Variants in VPS13A observed in about 807,000 individuals in gnomAD.
The protein encoded by VPS13A is intermembrane lipid transfer protein VPS13A.
Under a neutral mutation model 390.9 loss-of-function variants are expected in VPS13A, and 264 were observed. The ratio of observed to expected loss-of-function variants is 0.68; its 90% CI spans 0.61 to 0.75. The LOEUF is 0.75. Among genes scored for constraint, VPS13A ranks in the 30% least tolerant of loss-of-function variants. The pLI is 0.00. For synonymous variants in VPS13A, 1,231 were observed against 1,227.1 expected (o/e 1.00, Z -0.07); for missense variants, 3,409 against 3,733.9 (o/e 0.91, Z 2.27).
intron 68 of VPS13A, chr9:77,390,205 C>A: frequency 1.3e-6 from 1 of 762,098 alleles, no homozygotes; most frequent in Non-Finnish European, 1.6e-6. Flanking sequence ...TATAGCTCTT[C>A]CTCTCCAGAA....
In VPS13A at chr9:77,281,701, G is replaced by A. The variant is rs146301497; in HGVS notation, c.2905-166G>A. Among the ~76,000 whole-genome samples the A allele has an allele frequency of 8.6e-5, 13 of 151,276 alleles. No individual in the cohort carries two copies. In the East Asian group the frequency reaches 1.9e-3, roughly 23 times the overall value. ...ACATTTTCTTTTGTTCTGGTGAAGC[G>A]GTTGCTTATTTAGGTAATTATATGT... On this transcript the variant is annotated intron_variant, in intron 27 of 71. Transcript: ENST00000360280.
chr9:77,250,539 A>G (rs1825096482), intron 21 of VPS13A, among the ~76,000 whole-genome samples: 1 of 152,170 alleles, frequency 6.6e-6, no homozygotes, highest in Non-Finnish European at 1.5e-5. Flanking sequence ...CATAATAAAT[A>G]TCAGTAGTGC....
In VPS13A at chr9:77,336,471, A is replaced by T. The variant is rs191795697; in HGVS notation, c.6096-784A>T. Among the ~76,000 whole-genome samples, 17 of 152,278 alleles carry T rather than the reference A, an allele frequency of 1.1e-4. No homozygotes were observed. In the East Asian group the frequency reaches 3.3e-3, roughly 29 times the overall value. ...TACGTTTTAATAACATTAAATATTGATTGAAAACTTTCATTTGATTAATGT... is the reference window on the plus strand; with the variant it reads ...TACGTTTTAATAACATTAAATATTGTTTGAAAACTTTCATTTGATTAATGT... On this transcript the variant is annotated intron_variant, in intron 46 of 71. Coordinates refer to ENST00000360280, the MANE Select transcript of VPS13A (RefSeq NM_033305.3).
In VPS13A at chr9:77,415,959, A is replaced by C; in HGVS notation, c.9478A>C (p.Ile3160Leu). ...NFKTPEDARW[I>L]LTKLQEAREP... is the part of the protein sequence containing the mutation. ...TTCATTTATTTTCCCACCGCAGTGG[A>C]TCCTCACAAAGCTACAAGAAGCAAG... Residue 3160 changes from isoleucine (I) to leucine (L), a missense_variant, in exon 72 of 72, where the codon ATC becomes CTC. Physicochemically the swap from Ile to Leu is conservative, Grantham distance 5 (BLOSUM62 2). This residue lies in a region of VPS13A where 318 missense variants were observed against 333.7 expected (regional missense o/e 0.95). Transcript: ENST00000360280. 6.2e-7 allele frequency: 1 copy of C among 1,613,460 alleles called. No individual in the cohort carries two copies. The highest frequency in any genetic ancestry group is 8.5e-7 in the Non-Finnish European group (1 of 1,179,484).
chr9:77,234,923 G>A (rs1824056113), intron 17 of VPS13A, among the ~76,000 whole-genome samples: 1 of 152,056 alleles, frequency 6.6e-6, no homozygotes, highest in Non-Finnish European at 1.5e-5. Context: ...CTTTAATAGT[G>A]TATAAAAACT....
At chr9:77,350,748 C>G (rs979805211) in intron 52 of VPS13A, among the ~76,000 whole-genome samples, 1 of 152,036 alleles carries the variant, frequency 6.6e-6, no homozygotes, top group East Asian at 1.9e-4. Flanking sequence ...TCATTTATGT[C>G]TGATACCCAG....
At chr9:77,260,830 A>G (rs1825718820) in intron 23 of VPS13A, among the ~76,000 whole-genome samples, 1 of 152,064 alleles carries the variant, frequency 6.6e-6, no homozygotes, top group South Asian at 2.1e-4. Flanking sequence ...GGCATATACT[A>G]GTACACACAT....
At chr9:77,407,774 C>T in intron 71 of VPS13A, 167 bp downstream of exon 71, 1 of 574,620 alleles carries the variant, frequency 1.7e-6, no homozygotes, top group Non-Finnish European at 3.1e-6. Context: ...AATATTTACC[C>T]CAGACTTTTT....
intron 63 of VPS13A, among the ~76,000 whole-genome samples, chr9:77,369,699 A>G (rs966116442): frequency 6.6e-6 from 1 of 152,230 alleles, no homozygotes; most frequent in East Asian, 1.9e-4. Context: ...TGCTTTGCAC[A>G]GTAGTGTGGA....
chr9:77,349,566 TTAAA>T (rs1438397831), intron 52 of VPS13A, among the ~76,000 whole-genome samples: 5 of 152,210 alleles, frequency 3.3e-5, no homozygotes, highest in African/African-American at 9.7e-5. Context: ...TGCTCTACAA[TTAAA>T]TAAATACTTA....
intron 34 of VPS13A, 132 bp from the exon 35 acceptor site, chr9:77,307,813 G>C (rs1828848879): frequency 1.3e-6 from 1 of 746,390 alleles, no homozygotes; most frequent in East Asian, 2.7e-5. Context: ...TATTCAGTTT[G>C]TAAAAATGTT....
rs1458089615 is a variant in VPS13A at position 77,293,337 on chromosome 9, TA to T, written c.3340-2del. ...TTGTGATAATTAAATTTTCTCTTATTAAGGCTGTTTATATCACTGGAAAAGA... is the reference window on the plus strand; with the variant it reads ...TTGTGATAATTAAATTTTCTCTTATTAGGCTGTTTATATCACTGGAAAAGA... On this transcript the variant is annotated splice_polypyrimidine_tract_variant and splice_region_variant and intron_variant, in intron 31 of 71. Coordinates refer to ENST00000360280, the MANE Select transcript of VPS13A (RefSeq NM_033305.3). 1 of 1,609,300 alleles carries T rather than the reference TA, an allele frequency of 6.2e-7. No homozygotes were observed. The highest frequency in any genetic ancestry group is 2.2e-5 in the East Asian group (1 of 44,670).
At chr9:77,275,711 C>G in intron 25 of VPS13A, 59 bp downstream of exon 25, 1 of 1,534,332 alleles carries the variant, frequency 6.5e-7, no homozygotes, top group African/African-American at 1.4e-5. Context: ...ATATTTACAG[C>G]TTACTATATA....
intron 35 of VPS13A, among the ~76,000 whole-genome samples, chr9:77,309,668 A>G (rs141683072): frequency 1.3e-5 from 2 of 152,314 alleles, no homozygotes; most frequent in East Asian, 3.9e-4. Context: ...TAATATTTTC[A>G]GACACCAGTT....
chr9:77,374,579 T>C (rs946935858), intron 67 of VPS13A, among the ~76,000 whole-genome samples: 3 of 152,188 alleles, frequency 2.0e-5, no homozygotes, highest in Admixed American at 1.3e-4. Context: ...ATTTCTGGAA[T>C]TTTCCATTTA....
At chr9:77,415,915 T>A in intron 71 of VPS13A, 41 bp from the exon 72 acceptor site, 1 of 1,610,468 alleles carries the variant, frequency 6.2e-7, no homozygotes, top group Non-Finnish European at 8.5e-7. Context: ...CATTACAAGT[T>A]CACTGAAGTA....
chr9:77,393,817 A>G (rs1229885057), intron 68 of VPS13A, among the ~76,000 whole-genome samples: 1 of 151,926 alleles, frequency 6.6e-6, no homozygotes, highest in Non-Finnish European at 1.5e-5. Flanking sequence ...TCACCCAGGT[A>G]GCCTGCAATG....
Position 77,407,563 on chromosome 9 carries a change from G to GAGTT in VPS13A, c.9431_9434dup (p.Phe3145LeufsTer7), listed in dbSNP as rs1196127146. On this transcript the variant is annotated frameshift_variant, in exon 71 of 72. Transcript: ENST00000360280. LOFTEE classifies it high-confidence loss of function. ...AGTGAAGTCTGTATTTCATGCCAGA[G>GAGTT]AGTTTGGAAAAATAATTAACTTCAA... 3.7e-6 allele frequency: 6 copies of GAGTT among 1,613,152 alleles called. No homozygotes were observed. The highest frequency in any genetic ancestry group is 1.3e-5 in the African/African-American group (1 of 75,014).
Position 77,369,394 on chromosome 9 carries a change from T to G in VPS13A, c.8649T>G (p.Phe2883Leu), listed in dbSNP as rs757219762. ...IREFSEGVEA[F>L]FYEPYQGAIQ... is the part of the protein sequence containing the mutation. ...AATTTTCTGAAGGTGTAGAAGCATT[T>G]TTTTATGAACCTTACCAGGTAAAAT... Residue 2883 changes from phenylalanine (F) to leucine (L), a missense_variant, in exon 63 of 72, where the codon TTT becomes TTG. By Grantham distance (22) the Phe-to-Leu change is conservative. This residue lies in a region of VPS13A where 30 missense variants were observed against 63.4 expected (regional missense o/e 0.47). Coordinates refer to ENST00000360280, the MANE Select transcript of VPS13A (RefSeq NM_033305.3). The G allele has an allele frequency of 3.1e-6, 5 of 1,608,580 alleles. No individual in the cohort carries two copies. The highest frequency in any genetic ancestry group is 4.3e-6 in the Non-Finnish European group (5 of 1,175,160).
Sources: allele counts gnomAD v4.1 joint callset (sites outside exome capture counted in the v4.1 genomes callset), GRCh38; gene constraint gnomAD v4.1.1; regional missense constraint gnomAD v4.1.1; transcripts MANE v1.5; gene names NCBI Gene and HGNC (gene_info 2026-07-23, HGNC 2026-07-21).